The following ATG2B variants were observed in gnomAD, a reference collection of about 807,000 sequenced individuals.
The protein encoded by ATG2B is autophagy-related protein 2 homolog B.
In ATG2B, 121 loss-of-function variants were observed where a neutral mutation model predicts 241.3. The ratio of observed to expected loss-of-function variants is 0.50; its 90% CI spans 0.43 to 0.58. The LOEUF (loss-of-function observed/expected upper bound fraction) is 0.58. Ranked by LOEUF, ATG2B falls within the 20% of genes least tolerant of loss-of-function variation. The probability of loss-of-function intolerance (pLI) is 0.00; values close to 1 mark genes in which losing one functional copy is unlikely to be tolerated. For synonymous variants in ATG2B, 858 were observed against 876.6 expected (o/e 0.98, Z 0.37); for missense variants, 2,306 against 2,491.6 (o/e 0.93, Z 1.59).
chr14:96,324,245 GTAAA>G, intron 15 of ATG2B: 1 of 412,884 alleles, frequency 2.4e-6, no homozygotes, highest in Non-Finnish European at 4.3e-6. Context: ...TAATGACATA[GTAAA>G]TAGAGCAAGC....
rs1392575506 is a variant in ATG2B at position 96,305,584 on chromosome 14, C to T, written c.4733+5G>A. On this transcript the variant is annotated splice_donor_5th_base_variant and intron_variant, in intron 31 of 41. Coordinates refer to ENST00000359933, the MANE Select transcript of ATG2B (RefSeq NM_018036.7). ...CCAAATAAACTTATATAGAAATTAA[C>T]TTACATATAACTTTTAGCCGGAGAA... 3 of 1,579,780 alleles carry T rather than the reference C, an allele frequency of 1.9e-6. No individual in the cohort carries two copies. Among genetic ancestry groups the T allele is most frequent in the Non-Finnish European group, 2.6e-6 (3 of 1,152,902 alleles).
Position 96,344,774 on chromosome 14 carries a change from T to C in ATG2B, c.479-18A>G, listed in dbSNP as rs1888128691. 7.8e-7 allele frequency: 1 copy of C among 1,275,190 alleles called. No individual in the cohort carries two copies. The highest frequency in any genetic ancestry group is 1.1e-6 in the Non-Finnish European group (1 of 906,634). The allele number at this position is 1,275,190 out of a possible 1,614,324, so 79.0% of individuals were successfully genotyped here. A position where few individuals can be genotyped will look rare whatever the true frequency, so the allele number is the denominator to read the frequency against. ...TCTTAGTACTAAAGTAAACAAGTAA[T>C]TGTCAACGTAAGAGACCACATATAT... On this transcript the variant is annotated intron_variant, in intron 3 of 41. Transcript: ENST00000359933.
rs1446531496 is a variant in ATG2B, at chr14:96,313,399, A to T, written c.3679T>A (p.Leu1227Met). The T allele has an allele frequency of 3.1e-6, 5 of 1,594,230 alleles. No individual in the cohort carries two copies. The highest frequency in any genetic ancestry group is 4.3e-6 in the Non-Finnish European group (5 of 1,173,936). ...YFLNIADEPV[L>M]GYNPPTSFTT... ...AATGAAGTTGGAGGATTATATCCCAAAACAGGTTCATCAGCAATATTCAAG... is the reference window on the plus strand; with the variant it reads ...AATGAAGTTGGAGGATTATATCCCATAACAGGTTCATCAGCAATATTCAAG... Residue 1227 changes from leucine to methionine, a missense_variant, in exon 24 of 42, where the codon TTG (leucine) becomes ATG (methionine). Physicochemically the swap from Leu to Met is conservative, Grantham distance 15. Around this residue, in one of 2 missense-constraint regions of ATG2B, gnomAD observed 1,927 missense variants for 2,011.2 expected, o/e 0.96. Coordinates refer to ENST00000359933, the MANE Select transcript of ATG2B (RefSeq NM_018036.7).
At chr14:96,327,190 C>T (rs993699691) in intron 14 of ATG2B, among the ~76,000 whole-genome samples, 1 of 151,122 alleles carries the variant, frequency 6.6e-6, no homozygotes. Flanking sequence ...GAGCTGATAC[C>T]GTATGACAGC....
At chr14:96,288,373 C>T (rs1213509006) in intron 41 of ATG2B, among the ~76,000 whole-genome samples, 1 of 152,192 alleles carries the variant, frequency 6.6e-6, no homozygotes, top group African/African-American at 2.4e-5. Context: ...TTAAATCAAA[C>T]TGCTATTACA....
intron 6 of ATG2B, among the ~76,000 whole-genome samples, chr14:96,337,650 T>C (rs1887901027): frequency 6.6e-6 from 1 of 152,236 alleles, no homozygotes; most frequent in Non-Finnish European, 1.5e-5. Flanking sequence ...CCTATTTTTA[T>C]ACCAGTACCA....
chr14:96,326,477 C>A (rs1887590721), intron 14 of ATG2B, among the ~76,000 whole-genome samples: 1 of 152,102 alleles, frequency 6.6e-6, no homozygotes, highest in Non-Finnish European at 1.5e-5. Context: ...CCTATCCAAT[C>A]CAAGGGTATG....
intron 34 of ATG2B, among the ~76,000 whole-genome samples, chr14:96,298,747 G>C (rs529420602): frequency 3.9e-5 from 6 of 152,160 alleles, no homozygotes; most frequent in African/African-American, 1.4e-4. Context: ...AGTCACTTTG[G>C]GATGGTGAAG....
chr14:96,362,457 G>T (rs1268838664), intron 1 of ATG2B, among the ~76,000 whole-genome samples: 1 of 152,118 alleles, frequency 6.6e-6, no homozygotes, highest in Admixed American at 6.5e-5. Flanking sequence ...ATCCCACAAG[G>T]CAGGGTTTGT....
chr14:96,306,206 G>C (rs1022852515), intron 30 of ATG2B, among the ~76,000 whole-genome samples: 1 of 152,120 alleles, frequency 6.6e-6, no homozygotes, highest in African/African-American at 2.4e-5. Flanking sequence ...TCCTGAGTTT[G>C]ATTGTTTGGA....
intron 1 of ATG2B, among the ~76,000 whole-genome samples, chr14:96,360,933 C>CAAAAAAAAAA (rs35630598): frequency 1.4e-5 from 1 of 73,736 alleles, no homozygotes; most frequent in Admixed American, 1.6e-4. Context: ...AATCCTCTAC[C>CAAAAAAAAAA]AAAAAAAAAA....
rs1475250935 is a variant in ATG2B, at chr14:96,287,120, T to C, written c.6007-1135A>G. On this transcript the variant is annotated intron_variant, in intron 41 of 41. Transcript: ENST00000359933. ...AATACACAAAACTAGCCGGGCGTGGTGGCAGGCGCCTGTAGTCCCAGCTAC... is the reference window on the plus strand; with the variant it reads ...AATACACAAAACTAGCCGGGCGTGGCGGCAGGCGCCTGTAGTCCCAGCTAC... Among the ~76,000 whole-genome samples the C allele has an allele frequency of 4.0e-5, 6 of 151,862 alleles. No homozygotes were observed. In the East Asian group the frequency reaches 1.2e-3, roughly 29 times the overall value.
chr14:96,342,671 G>A (rs1318062737), intron 5 of ATG2B, among the ~76,000 whole-genome samples: 1 of 148,408 alleles, frequency 6.7e-6, no homozygotes, highest in Non-Finnish European at 1.5e-5. Context: ...GCAGTGAGTC[G>A]AGATTGCGCC....
chr14:96,295,003 AG>A lies in ATG2B; in HGVS notation c.5382del (p.Ser1795LeufsTer41), dbSNP rs1393642211. 6.2e-7 allele frequency: 1 copy of A among 1,614,120 alleles called. No individual in the cohort carries two copies. Among genetic ancestry groups the A allele is most frequent in the Non-Finnish European group, 8.5e-7 (1 of 1,180,052 alleles). On this transcript the variant is annotated frameshift_variant, in exon 36 of 42. Coordinates refer to ENST00000359933, the MANE Select transcript of ATG2B (RefSeq NM_018036.7). LOFTEE classifies it high-confidence loss of function. ...EVVNGMEEKN[F>X]SAEEASFRDQ... is the part of the protein sequence containing the mutation. ...TCCCTAAAAGATGCTTCTTCAGCAGAGAAGTTCTTCTCTTCCATGCCATTAA... is the reference window on the plus strand; with the variant it reads ...TCCCTAAAAGATGCTTCTTCAGCAGAAAGTTCTTCTCTTCCATGCCATTAA...
In ATG2B at chr14:96,317,071, C is replaced by T. The variant is rs77085243; in HGVS notation, c.3210+74G>A. The T allele has an allele frequency of 6.8e-3, 8,940 of 1,316,860 alleles. 39 individuals carry two copies. Among genetic ancestry groups the T allele is most frequent in the Non-Finnish European group, 8.3e-3 (7,856 of 950,656 alleles). The allele number at this position is 1,316,860 out of a possible 1,614,324, so 81.6% of individuals were successfully genotyped here. A position where few individuals can be genotyped will look rare whatever the true frequency, so the allele number is the denominator to read the frequency against. Reference sequence around the variant, plus strand: ...TTCAAAATATCAAATACTTCAATCACTAGATATGTATCCTAGCAGATTTAT... The same window carrying T: ...TTCAAAATATCAAATACTTCAATCATTAGATATGTATCCTAGCAGATTTAT... On this transcript the variant is annotated intron_variant, in intron 20 of 41. Coordinates refer to ENST00000359933, the MANE Select transcript of ATG2B (RefSeq NM_018036.7).
At chr14:96,339,309 CATAT>C (rs1887948278) in intron 6 of ATG2B, among the ~76,000 whole-genome samples, 1 of 148,310 alleles carries the variant, frequency 6.7e-6, no homozygotes, top group Non-Finnish European at 1.5e-5. Context: ...TGTGTGTATA[CATAT>C]ATACACACAC....
chr14:96,292,389 T>C (rs1413507174), intron 36 of ATG2B, among the ~76,000 whole-genome samples: 1 of 152,134 alleles, frequency 6.6e-6, no homozygotes, highest in Admixed American at 6.5e-5. Flanking sequence ...TAACATAAAA[T>C]GTAATAAAAA....
At chr14:96,328,231 T>C (rs1887634399) in intron 14 of ATG2B, 116 bp downstream of exon 14, 1 of 628,910 alleles carries the variant, frequency 1.6e-6, no homozygotes, top group African/African-American at 1.8e-5. Flanking sequence ...TTACAAATAA[T>C]GCTATTTTAA....
At chr14:96,333,128 A>C (rs116877968) in intron 8 of ATG2B, among the ~76,000 whole-genome samples, 394 of 152,200 alleles carry the variant, frequency 2.6e-3, no homozygotes, top group Non-Finnish European at 4.0e-3. Flanking sequence ...ATTATGGCCA[A>C]AATTTTTTGA....
Sources: allele counts gnomAD v4.1 joint callset (sites outside exome capture counted in the v4.1 genomes callset), GRCh38; gene constraint gnomAD v4.1.1; regional missense constraint gnomAD v4.1.1; transcripts MANE v1.5; gene names NCBI Gene and HGNC (gene_info 2026-07-23, HGNC 2026-07-21).